Variants in FSTL4 observed in about 807,000 individuals in gnomAD.
The protein encoded by FSTL4 is follistatin-related protein 4.
FSTL4 carries 28 observed loss-of-function variants against 78.2 expected under a neutral mutation model. The observed-to-expected ratio is 0.36, with a 90% CI of 0.27 to 0.49. The LOEUF (loss-of-function observed/expected upper bound fraction) is 0.49, where lower values mean the gene tolerates loss of function less well. Among genes scored for constraint, FSTL4 ranks in the 20% least tolerant of loss-of-function variants. The pLI, the probability that FSTL4 is intolerant of heterozygous loss-of-function variation, is 0.98. For synonymous variants in FSTL4, 422 were observed against 440.5 expected (o/e 0.96, Z 0.53); for missense variants, 922 against 1,084.9 (o/e 0.85, Z 2.11).
At position 133,612,212 on chromosome 5, in the gene FSTL4, A is replaced by T. The variant is rs1370012821; in HGVS notation, c.-11+113T>A. 6.6e-6 allele frequency: 1 copy of T among 151,636 alleles called. No individual in the cohort carries two copies. The highest frequency in any genetic ancestry group is 1.5e-5 in the Non-Finnish European group (1 of 67,820). 9.4% of individuals were successfully genotyped at this position (151,636 alleles called of 1,614,324 possible). On this transcript the variant is annotated intron_variant, in intron 1 of 15. Transcript: ENST00000265342. This position sits in a 1 kb window ranked among gnomAD's most constrained non-coding sequence, Gnocchi z 6.2. ...AAGCGCCCGCGCCGGGCCCTGCAGC[A>T]AGATGCGGGGCCGCGGGCGCCAGGA...
intron 11 of FSTL4, among the ~76,000 whole-genome samples, chr5:133,222,415 C>T (rs1373799523): frequency 4.6e-5 from 7 of 152,166 alleles, no homozygotes; most frequent in African/African-American, 1.7e-4. Context: ...CTATCTCACC[C>T]ACAGCGGGAA....
chr5:133,594,294 G>A (rs1253953438), intron 2 of FSTL4, among the ~76,000 whole-genome samples: 3 of 152,180 alleles, frequency 2.0e-5, no homozygotes, highest in African/African-American at 7.2e-5. Flanking sequence ...GGGTTTAAGC[G>A]ATTCTCCTGC....
chr5:133,346,348 A>G lies in FSTL4; in HGVS notation c.410-29696T>C, dbSNP rs150285236. 8.0e-4 allele frequency among the ~76,000 whole-genome samples: 122 copies of G among 152,330 alleles called. 1 individual carries two copies. The highest frequency in any genetic ancestry group is 2.8e-3 in the African/African-American group (115 of 41,574). ...TGGGTGCAGCAAACCACCATGGCAC[A>G]TGTACACGTATGTAACAAACCTGCA... On this transcript the variant is annotated intron_variant, in intron 4 of 15. Coordinates refer to ENST00000265342, the MANE Select transcript of FSTL4 (RefSeq NM_015082.2).
At position 133,267,730 on chromosome 5, in the gene FSTL4, G is replaced by A. The variant is rs1246616304; in HGVS notation, c.728-18154C>T. On this transcript the variant is annotated intron_variant, in intron 6 of 15. Coordinates refer to ENST00000265342, the MANE Select transcript of FSTL4 (RefSeq NM_015082.2). ...CATGCTGTCAGTCATTAACACACAG[G>A]CAGAAGAGACTGCTAGATAGGTTCC... 2.0e-5 allele frequency among the ~76,000 whole-genome samples: 3 copies of A among 152,272 alleles called. No individual in the cohort carries two copies. The South Asian group carries it at 6.2e-4, about 32-fold the overall frequency.
intron 7 of FSTL4, among the ~76,000 whole-genome samples, chr5:133,238,979 G>A (rs945936969): frequency 4.6e-5 from 7 of 152,218 alleles, no homozygotes; most frequent in Non-Finnish European, 7.3e-5. Flanking sequence ...TCAGCTTGCC[G>A]GGAGGTGTGG....
At chr5:133,799,834 C>G in the FSTL4 span, among the ~76,000 whole-genome samples, 1 of 139,066 alleles carries the variant, frequency 7.2e-6, no homozygotes, top group Admixed American at 7.4e-5. Flanking sequence ...AGTAGCCCCA[C>G]AAAAAACATA....
At position 133,583,539 on chromosome 5, in the gene FSTL4, C is replaced by G. The variant is rs1488153807; in HGVS notation, c.127-16320G>C. ...CCGAGTCAAAGAAAGGGGTGACGGA[C>G]GCACCTGGAAAATCGGGTCACTCCC... is the stretch of plus-strand genomic sequence containing the variant. On this transcript the variant is annotated intron_variant, in intron 2 of 15. Transcript: ENST00000265342. 86 of 173,008 alleles carry G rather than the reference C, an allele frequency of 5.0e-4. 5 individuals carry two copies. The highest frequency in any genetic ancestry group is 4.7e-3 in the South Asian group (86 of 18,450). 10.7% of individuals were successfully genotyped at this position (173,008 alleles called of 1,614,324 possible).
intron 3 of FSTL4, among the ~76,000 whole-genome samples, chr5:133,540,720 C>CAAAAAAAAAAAAAAA (rs79162509): frequency 2.3e-4 from 16 of 70,240 alleles, no homozygotes; most frequent in South Asian, 6.1e-4. Context: ...TTAACATAGG[C>CAAAAAAAAAAAAAAA]AAAAAAAAAA....
At chr5:133,788,390 T>C in the FSTL4 span, among the ~76,000 whole-genome samples, 1 of 152,188 alleles carries the variant, frequency 6.6e-6, no homozygotes, top group African/African-American at 2.4e-5. Context: ...ACTGTAATAG[T>C]AGTACCTCCC....
the FSTL4 span, among the ~76,000 whole-genome samples, chr5:133,715,744 C>T: frequency 6.6e-6 from 1 of 152,170 alleles, no homozygotes; most frequent in Non-Finnish European, 1.5e-5. Flanking sequence ...TAAGTAAATG[C>T]ACACCCTACT....
At chr5:133,329,170 C>T (rs1288167870) in intron 4 of FSTL4, among the ~76,000 whole-genome samples, 4 of 152,160 alleles carry the variant, frequency 2.6e-5, no homozygotes, top group Non-Finnish European at 5.9e-5. Flanking sequence ...CAAGGAGTCT[C>T]TATAAACGGT....
At chr5:133,824,431 G>T in the FSTL4 span, among the ~76,000 whole-genome samples, 1 of 152,164 alleles carries the variant, frequency 6.6e-6, no homozygotes, top group East Asian at 1.9e-4. Context: ...GGCTATTTAG[G>T]GGCCACCAGC....
At chr5:133,800,576 C>T in the FSTL4 span, among the ~76,000 whole-genome samples, 6 of 138,540 alleles carry the variant, frequency 4.3e-5, 1 homozygote, top group African/African-American at 1.6e-4. Flanking sequence ...CTTCCTCCTC[C>T]CACTGCCCTG....
intron 3 of FSTL4, among the ~76,000 whole-genome samples, chr5:133,411,547 A>G (rs1756478012): frequency 6.6e-6 from 1 of 152,362 alleles, no homozygotes; most frequent in Middle Eastern, 3.4e-3. Context: ...GAGTGAAAAT[A>G]GAAATAAAGA....
At chr5:133,735,881 T>C in the FSTL4 span, among the ~76,000 whole-genome samples, 2 of 152,228 alleles carry the variant, frequency 1.3e-5, no homozygotes, top group Non-Finnish European at 2.9e-5. Context: ...AACTGCATCA[T>C]GGTAGAGTCG....
intron 2 of FSTL4, among the ~76,000 whole-genome samples, chr5:133,571,036 T>C (rs1460072584): frequency 6.6e-6 from 1 of 152,028 alleles, no homozygotes; most frequent in Non-Finnish European, 1.5e-5. Flanking sequence ...AGTTATATGA[T>C]TATGCCTGAG....
At chr5:133,287,853 A>C (rs1753171326) in intron 6 of FSTL4, among the ~76,000 whole-genome samples, 1 of 152,090 alleles carries the variant, frequency 6.6e-6, no homozygotes, top group African/African-American at 2.4e-5. Context: ...CAAATGCCAA[A>C]CACCACCTCC....
At chr5:133,299,847 A>T (rs1188326519) in intron 6 of FSTL4, among the ~76,000 whole-genome samples, 4 of 152,126 alleles carry the variant, frequency 2.6e-5, no homozygotes, top group African/African-American at 9.7e-5. Context: ...AGAACTTTGA[A>T]CTGCATGGAA....
At chr5:133,667,691 AC>A in the FSTL4 span, among the ~76,000 whole-genome samples, 1 of 152,112 alleles carries the variant, frequency 6.6e-6, no homozygotes, top group Non-Finnish European at 1.5e-5. Flanking sequence ...CTGACTACTT[AC>A]AGTGGCAACA....
Sources: gnomAD v4.1 joint callset for allele counts (sites outside exome capture counted in the v4.1 genomes callset) on GRCh38, gnomAD v4.1.1 for gene constraint, Gnocchi (gnomAD v3.1) non-coding constraint, MANE v1.5 for transcripts, NCBI Gene and HGNC (gene_info 2026-07-23, HGNC 2026-07-21) for gene names.